The following LUZP2 variants were observed in gnomAD, a reference collection of about 807,000 sequenced individuals.
LUZP2 encodes leucine zipper protein 2.
Under a neutral mutation model 51.6 loss-of-function variants are expected in LUZP2, and 52 were observed. The observed-to-expected ratio is 1.01, with a 90% CI of 0.81 to 1.27. The LOEUF is 1.27. Among genes scored for constraint, LUZP2 ranks in the 50% most tolerant of loss-of-function variants. The pLI, the probability that LUZP2 is intolerant of heterozygous loss-of-function variation, is 0.00. For synonymous variants in LUZP2, 154 were observed against 137.3 expected (o/e 1.12, Z -0.85); for missense variants, 436 against 395.4 (o/e 1.10, Z -0.87).
rs1565019978 is a variant in LUZP2, at chr11:24,602,000, A to ATATATGTGTATATATG, written c.62+104700_62+104701insGTGTATATATGTATAT. On this transcript the variant is annotated intron_variant, in intron 1 of 11. Coordinates refer to ENST00000336930, the MANE Select transcript of LUZP2 (RefSeq NM_001009909.4). ...TATGTATATATATGTGTATATATGT[A>ATATATGTGTATATATG]TATATATGTATATATGTATATATGT... Among the ~76,000 whole-genome samples, 24 of 62,842 alleles carry ATATATGTGTATATATG rather than the reference A, an allele frequency of 3.8e-4. 1 individual carries two copies. In the South Asian group the frequency reaches 8.0e-3, roughly 21 times the overall value. 41.2% of individuals were successfully genotyped at this position (62,842 alleles called of 152,430 possible).
intron 7 of LUZP2, among the ~76,000 whole-genome samples, chr11:24,972,116 G>T (rs1399566746): frequency 7.3e-6 from 1 of 136,398 alleles, no homozygotes; most frequent in African/African-American, 2.6e-5. Flanking sequence ...ACTCCAGCCT[G>T]GGTGACAGCG....
intron 1 of LUZP2, among the ~76,000 whole-genome samples, chr11:24,722,330 A>G (rs957394099): frequency 3.9e-5 from 6 of 152,178 alleles, no homozygotes; most frequent in African/African-American, 1.4e-4. Flanking sequence ...GTTCCACTGG[A>G]TGGGAAGGCC....
chr11:24,934,810 A>T (rs1402052653), intron 7 of LUZP2, among the ~76,000 whole-genome samples: 1 of 152,134 alleles, frequency 6.6e-6, no homozygotes, highest in Admixed American at 6.6e-5. Context: ...TCATTCTCAT[A>T]TTTGAAGTAG....
rs1277388215 is a variant in LUZP2 at position 24,922,825 on chromosome 11, C to CTTTTTTTTTTT, written c.522+8288_522+8298dup. Among the ~76,000 whole-genome samples, 7 of 44,620 alleles carry CTTTTTTTTTTT rather than the reference C, an allele frequency of 1.6e-4. 3 individuals are homozygous for CTTTTTTTTTTT. Among genetic ancestry groups the CTTTTTTTTTTT allele is most frequent in the African/African-American group, 1.4e-4 (3 of 21,928 alleles). 29.3% of individuals were successfully genotyped at this position (44,620 alleles called of 152,430 possible). A position where few individuals can be genotyped will look rare whatever the true frequency, so the allele number is the denominator to read the frequency against. ...GGACTACCAAGTGGCACAGTTATAT[C>CTTTTTTTTTTT]TTTTTTTTTTTCTTTTTTTTTTTTT... On this transcript the variant is annotated intron_variant, in intron 7 of 11. Transcript: ENST00000336930.
At chr11:24,766,909 G>A (rs777548895) in intron 5 of LUZP2, among the ~76,000 whole-genome samples, 3 of 151,946 alleles carry the variant, frequency 2.0e-5, no homozygotes, top group Non-Finnish European at 4.4e-5. Context: ...CTACAGGCAT[G>A]CACCACCAAA....
intron 1 of LUZP2, among the ~76,000 whole-genome samples, chr11:24,572,286 C>A (rs578252659): frequency 6.6e-6 from 1 of 151,982 alleles, no homozygotes; most frequent in Admixed American, 6.6e-5. Flanking sequence ...ATATAATCTA[C>A]AGACTCAATT....
intron 5 of LUZP2, among the ~76,000 whole-genome samples, chr11:24,869,080 G>T (rs774448228): frequency 2.6e-5 from 4 of 152,124 alleles, no homozygotes; most frequent in Non-Finnish European, 5.9e-5. Flanking sequence ...CTGTGACAAG[G>T]TCTTCCTTCA....
intron 1 of LUZP2, among the ~76,000 whole-genome samples, chr11:24,534,911 C>T (rs1387620277): frequency 1.3e-5 from 2 of 151,228 alleles, no homozygotes; most frequent in Admixed American, 6.6e-5. Context: ...TCTAAGAGCC[C>T]ATTTAGAGAT....
chr11:24,776,971 T>A (rs1848944660), intron 5 of LUZP2, among the ~76,000 whole-genome samples: 1 of 149,628 alleles, frequency 6.7e-6, no homozygotes, highest in African/African-American at 2.5e-5. Flanking sequence ...AAGGGTTCCA[T>A]CCCCTTGGTG....
intron 1 of LUZP2, among the ~76,000 whole-genome samples, chr11:24,498,911 C>A (rs979725308): frequency 6.6e-6 from 1 of 152,088 alleles, no homozygotes; most frequent in Non-Finnish European, 1.5e-5. Context: ...TCTAGAGTTC[C>A]AAAAGTACAT....
chr11:24,793,075 G>A (rs567345526), intron 5 of LUZP2, among the ~76,000 whole-genome samples: 1 of 152,208 alleles, frequency 6.6e-6, no homozygotes, highest in African/African-American at 2.4e-5. Flanking sequence ...CTGTGGATTT[G>A]TTTCTTCATA....
chr11:25,047,605 G>A (rs199723209), intron 9 of LUZP2, among the ~76,000 whole-genome samples: 1 of 151,582 alleles, frequency 6.6e-6, no homozygotes, highest in South Asian at 2.1e-4. Context: ...TCTAACCCTT[G>A]TTCAGAACAT....
intron 4 of LUZP2, among the ~76,000 whole-genome samples, chr11:24,753,050 G>T (rs186212020): frequency 2.6e-5 from 4 of 151,676 alleles, no homozygotes; most frequent in Admixed American, 6.6e-5. Flanking sequence ...ATATAATAAG[G>T]GAAGACACTA....
intron 5 of LUZP2, among the ~76,000 whole-genome samples, chr11:24,801,676 A>C (rs2134116911): frequency 6.6e-6 from 1 of 151,876 alleles, no homozygotes; most frequent in Admixed American, 6.6e-5. Flanking sequence ...TTTAGACAAT[A>C]ATATTCTAAT....
At chr11:24,893,322 A>G (rs905920739) in intron 5 of LUZP2, 1 of 141,520 alleles carries the variant, frequency 7.1e-6, no homozygotes, top group African/African-American at 2.6e-5. Context: ...AGAAGAAGGA[A>G]CAGAATATAA....
chr11:24,772,766 G>A (rs987104790), intron 5 of LUZP2, among the ~76,000 whole-genome samples: 1 of 152,088 alleles, frequency 6.6e-6, no homozygotes, highest in Non-Finnish European at 1.5e-5. Flanking sequence ...GTGTCTCCTG[G>A]CAATCCATGT....
intron 5 of LUZP2, among the ~76,000 whole-genome samples, chr11:24,823,068 T>C (rs1047830159): frequency 2.0e-5 from 3 of 152,128 alleles, no homozygotes; most frequent in Admixed American, 2.0e-4. Context: ...CCAGACAAGA[T>C]CTCTGTTCTC....
chr11:24,521,483 G>A (rs1353087158), intron 1 of LUZP2, among the ~76,000 whole-genome samples: 1 of 151,906 alleles, frequency 6.6e-6, no homozygotes, highest in Non-Finnish European at 1.5e-5. Context: ...ATGTTTCTTA[G>A]GGAGAAAAAT....
intron 5 of LUZP2, among the ~76,000 whole-genome samples, chr11:24,818,262 G>A (rs531126818): frequency 6.6e-6 from 1 of 152,104 alleles, no homozygotes; most frequent in African/African-American, 2.4e-5. Context: ...CAACAAACGT[G>A]GTTTCCTCTG....
Sources: allele counts gnomAD v4.1 joint callset (sites outside exome capture counted in the v4.1 genomes callset), GRCh38; gene constraint gnomAD v4.1.1; transcripts MANE v1.5; gene names NCBI Gene and HGNC (gene_info 2026-07-23, HGNC 2026-07-21).